The following GPBP1 variants were observed in gnomAD, a reference collection of about 807,000 sequenced individuals.
The protein encoded by GPBP1 is GC-rich promoter binding protein 1.
Under a neutral mutation model 56.5 loss-of-function variants are expected in GPBP1, and 13 were observed. The ratio of observed to expected loss-of-function variants is 0.23; its 90% CI spans 0.15 to 0.37. The LOEUF is 0.37. Ranked by LOEUF, GPBP1 falls within the 10% of genes least tolerant of loss-of-function variation. GPBP1 has a pLI of 1.00. For missense variants in GPBP1, 477 were observed against 572.3 expected, an observed-to-expected ratio of 0.83 and a Z score of 1.70; for synonymous variants, 204 against 188.9, an observed-to-expected ratio of 1.08 and a Z score of -0.66.
chr5:57,222,402 G>T (rs573648472), intron 3 of GPBP1, among the ~76,000 whole-genome samples: 1 of 152,058 alleles, frequency 6.6e-6, no homozygotes, highest in East Asian at 1.9e-4. Flanking sequence ...AGTTTAATAA[G>T]TTTTTTTTCT....
chr5:57,205,762 A>G (rs1755206741), intron 2 of GPBP1, among the ~76,000 whole-genome samples: 1 of 151,394 alleles, frequency 6.6e-6, no homozygotes, highest in Non-Finnish European at 1.5e-5. Context: ...TTTATTATTT[A>G]TTTTATTTAT....
Position 57,263,777 on chromosome 5 carries a change from C to T in GPBP1, c.*1025C>T, listed in dbSNP as rs1412125316. 1 of 152,086 alleles carries T rather than the reference C, an allele frequency of 6.6e-6. No individual in the cohort carries two copies. Among genetic ancestry groups the T allele is most frequent in the African/African-American group, 2.4e-5 (1 of 41,406 alleles). The allele number at this position is 152,086 out of a possible 1,614,324, so 9.4% of individuals were successfully genotyped here. ...ATACACAAGCTTATTAAATGAATGACTGTTAACTACTTTATTTTCATTTGC... is the reference window on the plus strand; with the variant it reads ...ATACACAAGCTTATTAAATGAATGATTGTTAACTACTTTATTTTCATTTGC... On this transcript the variant is annotated 3_prime_UTR_variant, in exon 12 of 12. Transcript: ENST00000506184.
intron 2 of GPBP1, among the ~76,000 whole-genome samples, chr5:57,176,699 GATTC>G (rs1468787244): frequency 6.6e-6 from 1 of 152,166 alleles, no homozygotes; most frequent in East Asian, 1.9e-4. Context: ...AGGCTTTGAA[GATTC>G]ATTCACAGTG....
chr5:57,210,664 G>GC (rs1484458590), intron 2 of GPBP1, among the ~76,000 whole-genome samples: 1 of 152,132 alleles, frequency 6.6e-6, no homozygotes, highest in Non-Finnish European at 1.5e-5. Flanking sequence ...TACTAGGGCT[G>GC]CCATAACCAA....
At chr5:57,207,668 G>A (rs1234500159) in intron 2 of GPBP1, among the ~76,000 whole-genome samples, 2 of 152,190 alleles carry the variant, frequency 1.3e-5, no homozygotes, top group African/African-American at 2.4e-5. Context: ...CGTGGGCTTG[G>A]AGAACGAGTG....
At chr5:57,189,556 C>T (rs1020667265) in intron 2 of GPBP1, among the ~76,000 whole-genome samples, 7 of 32,550 alleles carry the variant, frequency 2.2e-4, no homozygotes, top group Non-Finnish European at 4.4e-4. Context: ...CTGCGCTCAG[C>T]CCACTTTTTT....
At chr5:57,261,126 A>T in intron 10 of GPBP1, 54 bp from the exon 11 acceptor site, 5 of 1,064,534 alleles carry the variant, frequency 4.7e-6, no homozygotes, top group Non-Finnish European at 7.3e-6. Flanking sequence ...TGTAAATGAT[A>T]CTGTCCTACT....
rs1294714934 is a variant in GPBP1 at position 57,230,875 on chromosome 5, A to G, written c.93A>G (p.Glu31=). ...CATTGAATTTTGAGAAGCATTCTGAAAACTTTGCATGGACAGAGAATCGTT... is the reference window on the plus strand; with the variant it reads ...CATTGAATTTTGAGAAGCATTCTGAGAACTTTGCATGGACAGAGAATCGTT... ...KSSLNFEKHS[E]NFAWTENRYD... Residue 31 remains glutamate, a synonymous_variant, in exon 4 of 12, where the codon GAA becomes GAG. Transcript: ENST00000506184. 2 of 1,609,600 alleles carry G rather than the reference A, an allele frequency of 1.2e-6. No homozygotes were observed. Among genetic ancestry groups the G allele is most frequent in the Non-Finnish European group, 1.7e-6 (2 of 1,178,442 alleles).
intron 2 of GPBP1, among the ~76,000 whole-genome samples, chr5:57,176,775 T>C (rs1186023036): frequency 6.6e-6 from 1 of 152,188 alleles, no homozygotes; most frequent in Non-Finnish European, 1.5e-5. Flanking sequence ...CCAGTTTGTA[T>C]TCTAAATGCG....
intron 2 of GPBP1, among the ~76,000 whole-genome samples, chr5:57,183,261 A>T (rs190304465): frequency 4.6e-5 from 7 of 152,146 alleles, no homozygotes; most frequent in African/African-American, 1.4e-4. Flanking sequence ...CAGCTACTTG[A>T]GAGGCTGAGG....
intron 3 of GPBP1, among the ~76,000 whole-genome samples, chr5:57,222,618 G>GT (rs1236986883): frequency 6.6e-6 from 1 of 152,016 alleles, no homozygotes; most frequent in African/African-American, 2.4e-5. Flanking sequence ...CTTTTGTTGA[G>GT]TGGATCTATG....
At chr5:57,247,237 T>C in intron 8 of GPBP1, 22 bp downstream of exon 8, 1 of 1,578,834 alleles carries the variant, frequency 6.3e-7, no homozygotes, top group Non-Finnish European at 8.6e-7. Flanking sequence ...AAAATCACAC[T>C]TGAGGAATGT....
chr5:57,222,178 G>A (rs1369529413), intron 3 of GPBP1, among the ~76,000 whole-genome samples: 1 of 152,054 alleles, frequency 6.6e-6, no homozygotes, highest in Non-Finnish European at 1.5e-5. Flanking sequence ...AGAAAGAAAG[G>A]CAGTGTAAGA....
intron 2 of GPBP1, among the ~76,000 whole-genome samples, chr5:57,185,896 G>A (rs1306544560): frequency 6.6e-6 from 1 of 151,690 alleles, no homozygotes; most frequent in African/African-American, 2.4e-5. Flanking sequence ...ACCTACTGCA[G>A]AGGCTTGAGC....
intron 3 of GPBP1, among the ~76,000 whole-genome samples, chr5:57,220,006 G>A (rs1353568742): frequency 1.3e-5 from 2 of 150,504 alleles, no homozygotes; most frequent in Non-Finnish European, 2.9e-5. Context: ...AGCTGAGATC[G>A]TGTCATTGCA....
intron 10 of GPBP1, among the ~76,000 whole-genome samples, chr5:57,257,478 T>TA: frequency 6.6e-6 from 1 of 152,342 alleles, no homozygotes; most frequent in African/African-American, 2.4e-5. Context: ...ATCAAAGGGA[T>TA]ACAGTTGTCA....
chr5:57,211,594 G>GTTGTTGTTT, intron 2 of GPBP1, among the ~76,000 whole-genome samples: 1 of 151,982 alleles, frequency 6.6e-6, no homozygotes. Flanking sequence ...TGTTGTTGTT[G>GTTGTTGTTT]TTGTTGTTGG....
chr5:57,223,823 ATTTG>A, intron 3 of GPBP1, among the ~76,000 whole-genome samples: 1 of 149,536 alleles, frequency 6.7e-6, no homozygotes, highest in Non-Finnish European at 1.5e-5. Context: ...AAATATATAT[ATTTG>A]TTTATTTTAT....
chr5:57,175,057 T>A (rs1753739650), intron 1 of GPBP1, among the ~76,000 whole-genome samples: 1 of 152,256 alleles, frequency 6.6e-6, no homozygotes, highest in Non-Finnish European at 1.5e-5. Context: ...GCAGCACACC[T>A]GTCTTCGCTT....
Sources: gnomAD v4.1 joint callset for allele counts (sites outside exome capture counted in the v4.1 genomes callset) on GRCh38, gnomAD v4.1.1 for gene constraint, MANE v1.5 for transcripts, NCBI Gene and HGNC (gene_info 2026-07-23, HGNC 2026-07-21) for gene names.